Variants in JAKMIP2 observed in about 807,000 individuals in gnomAD.
JAKMIP2 encodes janus kinase and microtubule interacting protein 2.
A neutral mutation model predicts 115.0 loss-of-function variants in JAKMIP2; 25 were observed. The observed-to-expected ratio is 0.22, with a 90% confidence interval of 0.16 to 0.30. The LOEUF is 0.30. Ranked by LOEUF, JAKMIP2 falls within the 10% of genes least tolerant of loss-of-function variation. JAKMIP2 has a pLI of 1.00. For synonymous variants in JAKMIP2, 334 were observed against 343.6 expected, an observed-to-expected ratio of 0.97 and a Z score of 0.31; for missense variants, 642 against 957.6, an observed-to-expected ratio of 0.67 and a Z score of 4.35.
At chr5:147,765,051 GAGA>G (rs1361490457) in intron 1 of JAKMIP2, among the ~76,000 whole-genome samples, 1 of 143,330 alleles carries the variant, frequency 7.0e-6, no homozygotes, top group East Asian at 2.1e-4. Flanking sequence ...AAAGAGAGAA[GAGA>G]GAAGGAAGGA....
At chr5:147,707,049 A>G (rs1047126708) in intron 1 of JAKMIP2, among the ~76,000 whole-genome samples, 1 of 152,168 alleles carries the variant, frequency 6.6e-6, no homozygotes, top group African/African-American at 2.4e-5. Context: ...ACTTTTTAAT[A>G]CAGGCAGTTA....
intron 1 of JAKMIP2, among the ~76,000 whole-genome samples, chr5:147,683,752 CTA>C (rs1760429683): frequency 6.6e-6 from 1 of 151,942 alleles, no homozygotes; most frequent in East Asian, 1.9e-4. Context: ...GCAGAAATGT[CTA>C]TATATAGGAG....
chr5:147,654,432 C>T (rs1561517008), intron 3 of JAKMIP2, among the ~76,000 whole-genome samples: 2 of 151,944 alleles, frequency 1.3e-5, no homozygotes, highest in Non-Finnish European at 2.9e-5. Flanking sequence ...CCCTAATGTC[C>T]CTTGTAAGCT....
chr5:147,681,116 G>A (rs1324286948), intron 1 of JAKMIP2, among the ~76,000 whole-genome samples: 3 of 152,072 alleles, frequency 2.0e-5, no homozygotes. Context: ...TAACCAAAAA[G>A]TTATTACTCA....
In JAKMIP2 at chr5:147,686,001, A is replaced by G. The variant is rs529354191; in HGVS notation, c.-148-14047T>C. On this transcript the variant is annotated intron_variant, in intron 1 of 21. Transcript: ENST00000616793. ...GTGGAGCAAAGGGAAAATAAGGTAG[A>G]CAACCAGCTGAAGCTAGGAGTGAGG... 2.6e-5 allele frequency among the ~76,000 whole-genome samples: 4 copies of G among 152,332 alleles called. No homozygotes were observed. The South Asian group carries it at 8.3e-4, about 32-fold the overall frequency.
chr5:147,633,153 G>T (rs1022043727), intron 12 of JAKMIP2, among the ~76,000 whole-genome samples: 1 of 152,134 alleles, frequency 6.6e-6, no homozygotes, highest in Non-Finnish European at 1.5e-5. Flanking sequence ...AGTTATATTT[G>T]TTACAGAAAT....
chr5:147,633,194 C>T (rs999332333), intron 12 of JAKMIP2, among the ~76,000 whole-genome samples: 9 of 152,168 alleles, frequency 5.9e-5, no homozygotes, highest in African/African-American at 1.9e-4. Context: ...ATACACAAAA[C>T]TTTGCTGAAT....
chr5:147,721,711 C>T (rs933100747), intron 1 of JAKMIP2, among the ~76,000 whole-genome samples: 57 of 152,188 alleles, frequency 3.7e-4, no homozygotes, highest in Non-Finnish European at 6.6e-4. Flanking sequence ...CTTCGGCTCG[C>T]GCACGGTGCG....
At chr5:147,687,908 C>T (rs1760649503) in intron 1 of JAKMIP2, among the ~76,000 whole-genome samples, 2 of 152,136 alleles carry the variant, frequency 1.3e-5, no homozygotes, top group Non-Finnish European at 1.5e-5. Context: ...TTTAAATTTG[C>T]CCAATGTCAT....
intron 1 of JAKMIP2, among the ~76,000 whole-genome samples, chr5:147,748,789 C>G (rs1032239515): frequency 1.3e-5 from 2 of 152,182 alleles, no homozygotes; most frequent in African/African-American, 4.8e-5. Context: ...GCAAATAGCA[C>G]ACTTGGTCTG....
chr5:147,632,898 C>T lies in JAKMIP2; in HGVS notation c.1678-120G>A, dbSNP rs181336477. ...TCTTCCAGACCATGAAAAAAAATCC[C>T]CAAATAGATGTGAATAAAATAAGTA... On this transcript the variant is annotated intron_variant, in intron 12 of 21. Transcript: ENST00000616793. The T allele has an allele frequency of 5.1e-3, 3,186 of 628,172 alleles. 17 individuals carry two copies. Among genetic ancestry groups the T allele is most frequent in the Non-Finnish European group, 7.2e-3 (2,544 of 354,136 alleles). The allele number at this position is 628,172 out of a possible 1,614,324, so 38.9% of individuals were successfully genotyped here. A position where few individuals can be genotyped will look rare whatever the true frequency, so the allele number is the denominator to read the frequency against.
intron 1 of JAKMIP2, among the ~76,000 whole-genome samples, chr5:147,702,278 T>C (rs1456466194): frequency 7.0e-6 from 1 of 143,258 alleles, no homozygotes; most frequent in African/African-American, 2.6e-5. Flanking sequence ...ATAAGAATGA[T>C]ACAATGGACT....
chr5:147,764,420 T>C lies in JAKMIP2; in HGVS notation c.-149+18036A>G, dbSNP rs550468600. 2.1e-3 allele frequency among the ~76,000 whole-genome samples: 282 copies of C among 133,794 alleles called. 1 individual carries two copies. The highest frequency in any genetic ancestry group is 7.7e-3 in the African/African-American group (266 of 34,470). 87.8% of individuals were successfully genotyped at this position (133,794 alleles called of 152,430 possible). On this transcript the variant is annotated intron_variant, in intron 1 of 21. Transcript: ENST00000616793. Reference sequence around the variant, plus strand: ...AAAGATTCGTCTAAATGTTGGGTCATAGATACTAGGGTTCCAGGAAAAGCA... The same window carrying C: ...AAAGATTCGTCTAAATGTTGGGTCACAGATACTAGGGTTCCAGGAAAAGCA...
At chr5:147,763,547 G>A (rs140830829) in intron 1 of JAKMIP2, among the ~76,000 whole-genome samples, 265 of 152,222 alleles carry the variant, frequency 1.7e-3, no homozygotes, top group African/African-American at 6.2e-3. Flanking sequence ...ATTAAATATG[G>A]AATCATTGCT....
At chr5:147,660,811 G>T in intron 3 of JAKMIP2, 137 bp downstream of exon 3, 3 of 926,934 alleles carry the variant, frequency 3.2e-6, no homozygotes, top group South Asian at 1.6e-5. Context: ...GATCTATCTT[G>T]GATAGAGCAC....
At chr5:147,707,032 A>G (rs572401864) in intron 1 of JAKMIP2, among the ~76,000 whole-genome samples, 2 of 152,244 alleles carry the variant, frequency 1.3e-5, no homozygotes, top group South Asian at 2.1e-4. Context: ...AGGGTTATGA[A>G]TCATAAACTT....
chr5:147,684,530 A>G (rs932247427), intron 1 of JAKMIP2, among the ~76,000 whole-genome samples: 3 of 152,248 alleles, frequency 2.0e-5, no homozygotes, highest in African/African-American at 7.2e-5. Flanking sequence ...GAGGAAAGTT[A>G]AAAAGGTAGG....
intron 1 of JAKMIP2, among the ~76,000 whole-genome samples, chr5:147,715,903 T>C (rs1368925397): frequency 6.7e-6 from 1 of 149,532 alleles, no homozygotes; most frequent in Non-Finnish European, 1.5e-5. Flanking sequence ...TGCAGGTTAG[T>C]TACATATGTA....
chr5:147,622,092 C>T (rs915172716), intron 17 of JAKMIP2, among the ~76,000 whole-genome samples: 2 of 152,154 alleles, frequency 1.3e-5, no homozygotes, highest in Non-Finnish European at 2.9e-5. Flanking sequence ...GTCTCGAACT[C>T]CTGACCTCAG....
Sources: gnomAD v4.1 joint callset for allele counts (sites outside exome capture counted in the v4.1 genomes callset) on GRCh38, gnomAD v4.1.1 for gene constraint, MANE v1.5 for transcripts, NCBI Gene and HGNC (gene_info 2026-07-23, HGNC 2026-07-21) for gene names.